Variants in CACNA1E observed in about 807,000 individuals in gnomAD.
CACNA1E encodes the protein calcium voltage-gated channel subunit alpha1 E.
Under a neutral mutation model 259.2 loss-of-function variants are expected in CACNA1E, and 40 were observed. The observed-to-expected ratio is 0.15, with a 90% CI of 0.12 to 0.20. CACNA1E has a LOEUF of 0.20. CACNA1E is among the 10% of genes least tolerant of loss of function. The pLI is 1.00. For missense variants in CACNA1E, 1,874 were observed against 3,040.1 expected, an observed-to-expected ratio of 0.62 and a Z score of 9.02; for synonymous variants, 1,104 against 1,138.5, an observed-to-expected ratio of 0.97 and a Z score of 0.61.
At chr1:181,609,832 G>A (rs1030468664) in intron 6 of CACNA1E, among the ~76,000 whole-genome samples, 1 of 152,184 alleles carries the variant, frequency 6.6e-6, no homozygotes, top group Non-Finnish European at 1.5e-5. Context: ...CAGCTGACAA[G>A]CAGTACGCTG....
At chr1:181,419,784 G>A (rs1378876406) in intron 2 of CACNA1E, among the ~76,000 whole-genome samples, 1 of 152,230 alleles carries the variant, frequency 6.6e-6, no homozygotes, top group Non-Finnish European at 1.5e-5. Flanking sequence ...TGTGTCCACT[G>A]TGTGGTTGTA....
At chr1:181,536,678 A>T (rs562849857) in intron 3 of CACNA1E, among the ~76,000 whole-genome samples, 1 of 152,298 alleles carries the variant, frequency 6.6e-6, no homozygotes, top group South Asian at 2.1e-4. Flanking sequence ...GAAGGAGAAT[A>T]CCTATGAAGC....
intron 3 of CACNA1E, among the ~76,000 whole-genome samples, chr1:181,546,102 T>A (rs1257459141): frequency 6.6e-6 from 1 of 151,280 alleles, no homozygotes; most frequent in Non-Finnish European, 1.5e-5. Context: ...GTAAATGGAG[T>A]GTTCACCTCT....
intron 1 of CACNA1E, among the ~76,000 whole-genome samples, chr1:181,334,919 C>T (rs1651578300): frequency 6.6e-6 from 1 of 152,154 alleles, no homozygotes. Flanking sequence ...GAGAGCTGGC[C>T]CACCGCTTAT....
At chr1:181,426,127 A>G (rs113746055) in intron 2 of CACNA1E, among the ~76,000 whole-genome samples, 4 of 151,904 alleles carry the variant, frequency 2.6e-5, no homozygotes, top group African/African-American at 9.7e-5. Flanking sequence ...TTGGCTGGAC[A>G]CACCCAGCTT....
At chr1:181,628,261 C>T (rs1656385136) in intron 6 of CACNA1E, among the ~76,000 whole-genome samples, 1 of 152,156 alleles carries the variant, frequency 6.6e-6, no homozygotes, top group African/African-American at 2.4e-5. Context: ...ACTCAGGGAC[C>T]TTATGAGACC....
intron 35 of CACNA1E, among the ~76,000 whole-genome samples, chr1:181,769,775 C>G (rs1215142807): frequency 6.6e-6 from 1 of 152,140 alleles, no homozygotes; most frequent in East Asian, 1.9e-4. Context: ...AGTTGTATGT[C>G]TGTGGTGAAT....
At chr1:181,499,173 A>G (rs1434089754) in intron 1 of CACNA1E, among the ~76,000 whole-genome samples, 1 of 152,200 alleles carries the variant, frequency 6.6e-6, no homozygotes, top group African/African-American at 2.4e-5. Flanking sequence ...GGGAGAATAG[A>G]TGGATGCTTA....
intron 25 of CACNA1E, among the ~76,000 whole-genome samples, chr1:181,746,645 C>A (rs146712998): frequency 6.6e-6 from 1 of 152,178 alleles, no homozygotes; most frequent in Non-Finnish European, 1.5e-5. Context: ...CTGAACTTGT[C>A]CATCTTGTTG....
chr1:181,731,269 C>G lies in CACNA1E; in HGVS notation c.2297+38C>G, dbSNP rs74127833. 3.3e-6 allele frequency: 5 copies of G among 1,527,070 alleles called. No homozygotes were observed. In the Admixed American group the frequency reaches 5.0e-5, roughly 15 times the overall value. 94.6% of individuals were successfully genotyped at this position (1,527,070 alleles called of 1,614,324 possible). A position where few individuals can be genotyped will look rare whatever the true frequency, so the allele number is the denominator to read the frequency against. On this transcript the variant is annotated intron_variant, in intron 19 of 47. Coordinates refer to ENST00000367573, the MANE Select transcript of CACNA1E (RefSeq NM_001205293.3). ...CAGTTTGCGTGTTTGTGAGTGGTTA[C>G]GTGTGGGCGTGGGACAATGTGTCAT...
At chr1:181,563,879 A>G (rs751754953) in intron 3 of CACNA1E, among the ~76,000 whole-genome samples, 6 of 152,202 alleles carry the variant, frequency 3.9e-5, no homozygotes, top group Non-Finnish European at 7.4e-5. Flanking sequence ...TTTCCAGTGC[A>G]TATAAGAGTT....
chr1:181,407,916 C>CT (rs779125353), intron 1 of CACNA1E, among the ~76,000 whole-genome samples: 5 of 152,136 alleles, frequency 3.3e-5, no homozygotes, highest in Non-Finnish European at 5.9e-5. Context: ...CATCTTATAA[C>CT]TTTTAATTTC....
At chr1:181,669,864 G>A (rs1558247275) in intron 7 of CACNA1E, among the ~76,000 whole-genome samples, 1 of 152,172 alleles carries the variant, frequency 6.6e-6, no homozygotes, top group Non-Finnish European at 1.5e-5. Flanking sequence ...GCCACTCCAA[G>A]AACGTCTCCA....
intron 2 of CACNA1E, among the ~76,000 whole-genome samples, chr1:181,449,337 C>T (rs1325845548): frequency 1.3e-5 from 2 of 152,212 alleles, no homozygotes; most frequent in Non-Finnish European, 2.9e-5. Context: ...GTCTCATATA[C>T]ACATATATGT....
In CACNA1E at chr1:181,737,585, G is replaced by A. The variant is rs1423875814; in HGVS notation, c.3483G>A (p.Leu1161=). The change falls in exon 23 of 48, where the codon CTG becomes CTA. Residue 1161 remains leucine, a synonymous_variant. Transcript: ENST00000367573. ...GCTACTTTGAGATGTGCATCCTCCT[G>A]GTGATTGCAGCCAGCAGCATCGCCC... ...NLRYFEMCIL[L]VIAASSIALA... is the part of the protein sequence containing the mutation. 5 of 1,613,842 alleles carry A rather than the reference G, an allele frequency of 3.1e-6. No homozygotes were observed. The highest frequency in any genetic ancestry group is 4.2e-6 in the Non-Finnish European group (5 of 1,179,872).
At chr1:181,498,018 C>T (rs1340097694) in intron 1 of CACNA1E, among the ~76,000 whole-genome samples, 2 of 152,176 alleles carry the variant, frequency 1.3e-5, no homozygotes, top group East Asian at 1.9e-4. Context: ...GTCTGCAGAG[C>T]GCGTTTGGTT....
At chr1:181,774,913 T>C (rs759389536) in intron 37 of CACNA1E, among the ~76,000 whole-genome samples, 5 of 152,132 alleles carry the variant, frequency 3.3e-5, no homozygotes, top group Non-Finnish European at 7.4e-5. Context: ...TTCAGTAAAG[T>C]GGGATTTTAT....
At chr1:181,765,162 C>G (rs1042680280) in intron 34 of CACNA1E, among the ~76,000 whole-genome samples, 1 of 152,174 alleles carries the variant, frequency 6.6e-6, no homozygotes, top group African/African-American at 2.4e-5. Context: ...CCCCCACCCT[C>G]CCTAAACAGC....
At chr1:181,344,836 G>A (rs1652463226) in intron 1 of CACNA1E, among the ~76,000 whole-genome samples, 1 of 152,230 alleles carries the variant, frequency 6.6e-6, no homozygotes, top group South Asian at 2.1e-4. Flanking sequence ...ATTACCTGCT[G>A]GCAAAGCCCC....
Sources: allele counts gnomAD v4.1 joint callset (sites outside exome capture counted in the v4.1 genomes callset), GRCh38; gene constraint gnomAD v4.1.1; transcripts MANE v1.5; gene names NCBI Gene and HGNC (gene_info 2026-07-23, HGNC 2026-07-21).